The following EGLN2 variants were observed in gnomAD, a reference collection of about 807,000 sequenced individuals.
EGLN2 encodes egl-9 family hypoxia inducible factor 2.
A neutral mutation model predicts 38.2 loss-of-function variants in EGLN2; 15 were observed. The observed-to-expected ratio is 0.39, with a 90% CI of 0.26 to 0.60. EGLN2 has a LOEUF of 0.60. EGLN2 is among the 20% of genes least tolerant of loss of function. The probability of loss-of-function intolerance (pLI) is 0.50; values close to 1 mark genes in which losing one functional copy is unlikely to be tolerated. For missense variants in EGLN2, 492 were observed against 570.4 expected (o/e 0.86, Z 1.40); for synonymous variants, 284 against 237.4 (o/e 1.20, Z -1.81).
rs1371521436 is a variant in EGLN2 at position 40,800,327 on chromosome 19, T to TC, written c.-234-10dup. ...TTTCTCTCACATCCCTTTTTTTTTT[T>TC]CCTTTCTCTAGCCACCCTGAAGGGT... is the stretch of plus-strand genomic sequence containing the variant. On this transcript the variant is annotated splice_polypyrimidine_tract_variant and intron_variant, in intron 1 of 5. Transcript: ENST00000303961. 1.9e-4 allele frequency: 91 copies of TC among 476,354 alleles called. No individual in the cohort carries two copies. Among genetic ancestry groups the TC allele is most frequent in the Non-Finnish European group, 2.9e-5 (8 of 272,412 alleles). 29.5% of individuals were successfully genotyped at this position (476,354 alleles called of 1,614,324 possible). A position where few individuals can be genotyped will look rare whatever the true frequency, so the allele number is the denominator to read the frequency against.
chr19:40,807,430 G>A, intron 4 of EGLN2, 54 bp from the exon 5 acceptor site: 3 of 1,610,362 alleles, frequency 1.9e-6, no homozygotes, highest in Non-Finnish European at 2.5e-6. Flanking sequence ...TAGTGTGTGT[G>A]GATATGGTAG....
chr19:40,807,631 C>A, intron 5 of EGLN2, 80 bp downstream of exon 5: 1 of 1,525,356 alleles, frequency 6.6e-7, no homozygotes, highest in Non-Finnish European at 9.1e-7. Flanking sequence ...CCTCATCAGC[C>A]TCTTGTTAAA....
chr19:40,805,151 C>G (rs1438143521), intron 2 of EGLN2: 2 of 152,338 alleles, frequency 1.3e-5, no homozygotes, highest in Non-Finnish European at 2.9e-5. Context: ...CTTGCTGGGC[C>G]GGGCCCATAG....
intron 3 of EGLN2, 167 bp from the exon 4 acceptor site, chr19:40,806,971 A>G (rs2083307817): frequency 1.8e-6 from 2 of 1,128,958 alleles, no homozygotes. Context: ...CTTCCTGCCC[A>G]TCTCCATGGT....
chr19:40,802,690 G>C (rs938181110), intron 2 of EGLN2, among the ~76,000 whole-genome samples: 1 of 152,238 alleles, frequency 6.6e-6, no homozygotes, highest in Non-Finnish European at 1.5e-5. Flanking sequence ...GGGCCTTTCC[G>C]GGCTGCTGAC....
Position 40,807,922 on chromosome 19 carries a change from C to T in EGLN2, c.*58C>T. ...TAAATGACTTCAGGAGAGCCCTGGG[C>T]CTGTGCTGGCTGCTCCTTCCCTGCC... On this transcript the variant is annotated 3_prime_UTR_variant, in exon 6 of 6. Coordinates refer to ENST00000303961, the MANE Select transcript of EGLN2 (RefSeq NM_080732.4). 6.5e-7 allele frequency: 1 copy of T among 1,541,722 alleles called. No individual in the cohort carries two copies. The highest frequency in any genetic ancestry group is 1.1e-5 in the South Asian group (1 of 88,172).
At chr19:40,801,865 ACT>A (rs1327549578) in intron 2 of EGLN2, among the ~76,000 whole-genome samples, 1 of 149,650 alleles carries the variant, frequency 6.7e-6, no homozygotes, top group African/African-American at 2.5e-5. Context: ...AGTGGTGATG[ACT>A]CTTAACGAGC....
chr19:40,807,038 T>C, intron 3 of EGLN2, 100 bp from the exon 4 acceptor site: 1 of 1,555,794 alleles, frequency 6.4e-7, no homozygotes, highest in East Asian at 2.3e-5. Flanking sequence ...GAGGGAGTGA[T>C]GCAGGCAGAC....
rs373130523 is a variant in EGLN2 at position 40,800,938 on chromosome 19, C to G, written c.366C>G (p.Ala122=). 6.2e-7 allele frequency: 1 copy of G among 1,610,158 alleles called. No homozygotes were observed. The highest frequency in any genetic ancestry group is 8.5e-7 in the Non-Finnish European group (1 of 1,178,658). Residue 122 remains alanine, a synonymous_variant, in exon 2 of 6, where the codon GCC becomes GCG. Transcript: ENST00000303961. ...CTGAGGCCCCCAAACGGAAATGGGC[C>G]GAGGATGGTGGGGATGCCCCTTCAC... ...ARPEAPKRKW[A]EDGGDAPSPS...
rs752734525 is a variant in EGLN2 at position 40,801,349 on chromosome 19, T to C, written c.777T>C (p.His259=). ...GCRSIGALMA[H]VDAVIRHCAG... is the part of the protein sequence containing the mutation. ...GAAGCATTGGTGCCCTCATGGCCCA[T>C]GTGGACGCCGTCATCCGCCACTGCG... The change falls in exon 2 of 6, where the codon CAT becomes CAC. Residue 259 remains histidine, a synonymous_variant. Transcript: ENST00000303961. 1.1e-5 allele frequency: 17 copies of C among 1,611,798 alleles called. No individual in the cohort carries two copies. The highest frequency in any genetic ancestry group is 1.3e-5 in the Non-Finnish European group (15 of 1,180,012).
At position 40,806,668 on chromosome 19, in the gene EGLN2, C is replaced by T. The variant is rs771008177; in HGVS notation, c.957C>T (p.Asp319=). The T allele has an allele frequency of 1.2e-5, 20 of 1,613,312 alleles. No homozygotes were observed. The highest frequency in any genetic ancestry group is 9.4e-5 in the African/African-American group (7 of 74,746). Residue 319 remains aspartate (D), a synonymous_variant, in exon 3 of 6, where the codon GAC becomes GAT. Coordinates refer to ENST00000303961, the MANE Select transcript of EGLN2 (RefSeq NM_080732.4). ...TCTATTACCTGAATCAGAACTGGGA[C>T]GTTAAGGTAGGGGTGAGGGTGAGGG... ...TCIYYLNQNW[D]VKVHGGLLQI... is the part of the protein sequence containing the mutation.
chr19:40,800,270 A>G (rs1342700856), intron 1 of EGLN2, 69 bp from the exon 2 acceptor site: 5 of 368,824 alleles, frequency 1.4e-5, no homozygotes, highest in Non-Finnish European at 2.0e-5. Flanking sequence ...TGCCCATACC[A>G]TCCCGGCTTT....
chr19:40,806,784 T>C, intron 3 of EGLN2, 110 bp downstream of exon 3: 1 of 1,446,134 alleles, frequency 6.9e-7, no homozygotes, highest in East Asian at 2.4e-5. Flanking sequence ...ATTCTCCTGT[T>C]TCTCTTCTCA....
rs2083247646 is a variant in EGLN2, at chr19:40,800,600, C to T, written c.28C>T (p.Leu10=). The T allele has an allele frequency of 1.1e-5, 17 of 1,611,122 alleles. No homozygotes were observed. In the Middle Eastern group the frequency reaches 8.5e-4, roughly 80 times the overall value. Residue 10 remains leucine, a synonymous_variant, in exon 2 of 6, where the codon CTA becomes TTA. Coordinates refer to ENST00000303961, the MANE Select transcript of EGLN2 (RefSeq NM_080732.4). MDSPCQPQP[L]SQALPQLPGS... is the part of the protein sequence containing the mutation. The stretch of plus-strand genomic sequence containing the variant: ...GGACAGCCCGTGCCAGCCGCAGCCC[C>T]TAAGTCAGGCTCTCCCTCAGTTACC...
Position 40,807,803 on chromosome 19 carries a change from C to T in EGLN2, c.1169-6C>T. 6.2e-7 allele frequency: 1 copy of T among 1,614,082 alleles called. No homozygotes were observed. The highest frequency in any genetic ancestry group is 8.5e-7 in the Non-Finnish European group (1 of 1,179,968). On this transcript the variant is annotated splice_region_variant and splice_polypyrimidine_tract_variant and intron_variant, in intron 5 of 5. Transcript: ENST00000303961. ...CTCACTGTCTCCTGTCCCCTCTCAC[C>T]CCCAGCATCAGGACAGAAAGGTGTC...
rs748611551 is a variant in EGLN2 at position 40,801,155 on chromosome 19, G to A, written c.583G>A (p.Asp195Asn). 1.9e-5 allele frequency: 30 copies of A among 1,612,846 alleles called. No individual in the cohort carries two copies. The highest frequency in any genetic ancestry group is 2.5e-5 in the Non-Finnish European group (29 of 1,179,948). Residue 195 changes from aspartate (D) to asparagine (N), a missense_variant, in exon 2 of 6, where the codon GAC (aspartate) becomes AAC (asparagine). By Grantham distance (23) the Asp-to-Asn change is conservative. This residue lies in a region of EGLN2 where 378 missense variants were observed against 386.2 expected (regional missense o/e 0.98). Coordinates refer to ENST00000303961, the MANE Select transcript of EGLN2 (RefSeq NM_080732.4). ...CMRYYGICVK[D>N]SFLGAALGGR... is the part of the protein sequence containing the mutation. ...GCGGTACTACGGCATCTGCGTCAAG[G>A]ACAGCTTCCTGGGGGCAGCACTGGG...
In EGLN2 at chr19:40,808,050, G is replaced by A; in HGVS notation, c.*186G>A. 1 of 644,884 alleles carries A rather than the reference G, an allele frequency of 1.6e-6. No homozygotes were observed. Among genetic ancestry groups the A allele is most frequent in the Non-Finnish European group, 2.7e-6 (1 of 374,576 alleles). 39.9% of individuals were successfully genotyped at this position (644,884 alleles called of 1,614,324 possible). ...AAGAGACCTTTGCTGCCCCATCATG[G>A]GGGCTGGGGTTGTCACCTGGACAGG... On this transcript the variant is annotated 3_prime_UTR_variant, in exon 6 of 6. Coordinates refer to ENST00000303961, the MANE Select transcript of EGLN2 (RefSeq NM_080732.4).
chr19:40,804,867 A>C (rs896277350), intron 2 of EGLN2: 2 of 152,232 alleles, frequency 1.3e-5, no homozygotes, highest in Non-Finnish European at 2.9e-5. Context: ...GTGCTGCCAG[A>C]GAGAAGGTTG....
At position 40,800,645 on chromosome 19, in the gene EGLN2, T is replaced by G; in HGVS notation, c.73T>G (p.Leu25Val). 1 of 1,613,988 alleles carries G rather than the reference T, an allele frequency of 6.2e-7. No homozygotes were observed. Reference sequence around the variant, plus strand: ...GTTACCAGGGTCTTCGTCAGAGCCCTTGGAGCCTGAGCCTGGCCGGGCCAG... The same window carrying G: ...GTTACCAGGGTCTTCGTCAGAGCCCGTGGAGCCTGAGCCTGGCCGGGCCAG... ...PQLPGSSSEP[L>V]EPEPGRARMG... is the part of the protein sequence containing the mutation. The change falls in exon 2 of 6, where the codon TTG (leucine) becomes GTG (valine). Residue 25 changes from leucine (L) to valine (V), a missense_variant. Physicochemically the swap from Leu to Val is conservative, Grantham distance 32 (BLOSUM62 1). Transcript: ENST00000303961.
Sources: gnomAD v4.1 joint callset for allele counts (sites outside exome capture counted in the v4.1 genomes callset) on GRCh38, gnomAD v4.1.1 for gene constraint, gnomAD v4.1.1 regional missense constraint, MANE v1.5 for transcripts, NCBI Gene and HGNC (gene_info 2026-07-23, HGNC 2026-07-21) for gene names.